NAV2: variants seen among roughly 807,000 people sequenced by gnomAD.
NAV2 encodes helicase, APC down-regulated 1.
A neutral mutation model predicts 223.2 loss-of-function variants in NAV2; 54 were observed. The observed-to-expected ratio is 0.24, with a 90% CI of 0.19 to 0.30. The LOEUF is 0.30. Among genes scored for constraint, NAV2 ranks in the 10% least tolerant of loss-of-function variants. The pLI is 1.00. For synonymous variants in NAV2, 1,279 were observed against 1,239.3 expected (o/e 1.03, Z -0.67); for missense variants, 2,806 against 3,147.5 (o/e 0.89, Z 2.60).
At chr11:19,530,365 GTAA>G (rs2043992324) in intron 1 of NAV2, among the ~76,000 whole-genome samples, 2 of 152,210 alleles carry the variant, frequency 1.3e-5, no homozygotes, top group African/African-American at 4.8e-5. Flanking sequence ...AGGTTAGATG[GTAA>G]TAATGCAAGG....
Position 20,118,289 on chromosome 11 carries a change from C to T in NAV2, c.*31C>T. ...GCCCGGAGCCCAGCGCCCTCCTCTT[C>T]TCCTCACCGCATTCCACCTGCATCC... On this transcript the variant is annotated 3_prime_UTR_variant, in exon 38 of 38. Coordinates refer to ENST00000349880, the MANE Select transcript of NAV2 (RefSeq NM_145117.5). 1 of 1,610,756 alleles carries T rather than the reference C, an allele frequency of 6.2e-7. No individual in the cohort carries two copies. Among genetic ancestry groups the T allele is most frequent in the East Asian group, 2.2e-5 (1 of 44,822 alleles).
At chr11:19,820,187 G>A in intron 1 of NAV2, among the ~76,000 whole-genome samples, 1 of 152,228 alleles carries the variant, frequency 6.6e-6, no homozygotes, top group East Asian at 1.9e-4. Flanking sequence ...ACCCACTTAG[G>A]TGTGGCTGCC....
chr11:20,044,303 G>A, intron 13 of NAV2, 31 bp downstream of exon 13: 1 of 1,569,094 alleles, frequency 6.4e-7, no homozygotes, highest in Non-Finnish European at 8.6e-7. Flanking sequence ...TGGCCCTACA[G>A]TTGACATTTT....
rs1487725129 is a variant in NAV2 at position 19,652,490 on chromosome 11, T to C, written c.76-179994T>C. 2.6e-5 allele frequency among the ~76,000 whole-genome samples: 4 copies of C among 152,178 alleles called. No individual in the cohort carries two copies. The East Asian group carries it at 5.8e-4, about 22-fold the overall frequency. ...TTCCCCCAGACCCTAGCATCCTTGA[T>C]TGTCTAAGCTTAGGTTTTTGGACAA... On this transcript the variant is annotated intron_variant, in intron 1 of 37. Transcript: ENST00000360655.
upstream of NAV2, chr11:19,711,434 G>C (rs536290619): frequency 5.3e-5 from 8 of 152,312 alleles, no homozygotes; most frequent in South Asian, 1.7e-3. Flanking sequence ...AAGGCAGTAA[G>C]AAAGCATCTC....
chr11:19,551,305 G>A (rs80253248), intron 1 of NAV2, among the ~76,000 whole-genome samples: 2,379 of 152,384 alleles, frequency 0.016, 58 homozygotes, highest in African/African-American at 0.055. Context: ...CATAAGTACA[G>A]AGGGGTCAGG....
At chr11:19,822,798 G>A (rs1442037356) in intron 1 of NAV2, among the ~76,000 whole-genome samples, 4 of 152,218 alleles carry the variant, frequency 2.6e-5, no homozygotes. Flanking sequence ...CATATGTCAA[G>A]AGCAAAGGCT....
rs908993470 is a variant in NAV2 at position 19,925,649 on chromosome 11, G to A, written c.932-7527G>A. 2.6e-5 allele frequency among the ~76,000 whole-genome samples: 4 copies of A among 151,768 alleles called. No homozygotes were observed. The East Asian group carries it at 7.7e-4, about 29-fold the overall frequency. ...CTATAATCCCACTATTCAGGAGGCT[G>A]AGGCAAGAGAATTGCTTGAACCCGG... On this transcript the variant is annotated intron_variant, in intron 6 of 37. Coordinates refer to ENST00000349880, the MANE Select transcript of NAV2 (RefSeq NM_145117.5).
chr11:20,081,503 C>T (rs573141393), intron 25 of NAV2, among the ~76,000 whole-genome samples: 2 of 152,320 alleles, frequency 1.3e-5, no homozygotes, highest in South Asian at 4.1e-4. Context: ...AATCCCAAAG[C>T]TTAGCTCTGT....
At chr11:20,009,477 A>T (rs2053389466) in intron 11 of NAV2, among the ~76,000 whole-genome samples, 1 of 152,228 alleles carries the variant, frequency 6.6e-6, no homozygotes, top group Non-Finnish European at 1.5e-5. Flanking sequence ...CATGGGGTGG[A>T]CATCATAATT....
chr11:20,090,529 C>G (rs889650153), intron 26 of NAV2, among the ~76,000 whole-genome samples: 12 of 151,420 alleles, frequency 7.9e-5, no homozygotes, highest in Admixed American at 7.9e-4. Flanking sequence ...GAGTGAAAGA[C>G]AAAAGTAGGA....
intron 1 of NAV2, among the ~76,000 whole-genome samples, chr11:19,601,688 C>T (rs2046354287): frequency 6.6e-6 from 1 of 152,062 alleles, no homozygotes; most frequent in African/African-American, 2.4e-5. Flanking sequence ...GGTGGGGACA[C>T]AGAGCTGAGG....
intron 1 of NAV2, among the ~76,000 whole-genome samples, chr11:19,776,437 C>G (rs1271262527): frequency 6.6e-6 from 1 of 152,194 alleles, no homozygotes; most frequent in South Asian, 2.1e-4. Context: ...GCTGCCTGAC[C>G]TCTCCTCCTC....
At chr11:19,881,614 AT>A in intron 5 of NAV2, among the ~76,000 whole-genome samples, 1 of 152,238 alleles carries the variant, frequency 6.6e-6, no homozygotes. Context: ...TGTTTATTTA[AT>A]TGGTATTAAG....
At chr11:19,934,460 A>G (rs553109968) in intron 7 of NAV2, among the ~76,000 whole-genome samples, 183 bp downstream of exon 7, 6 of 152,322 alleles carry the variant, frequency 3.9e-5, no homozygotes, top group African/African-American at 1.4e-4. Context: ...AGCAGTTCAT[A>G]CAGCACAGGT....
At chr11:19,958,123 C>T (rs11025342) in intron 10 of NAV2, among the ~76,000 whole-genome samples, 10,427 of 152,122 alleles carry the variant, frequency 0.069, 512 homozygotes, top group South Asian at 0.15. Context: ...ATGGGCTGTT[C>T]CCTGCCTGCC....
chr11:19,984,320 G>T, intron 11 of NAV2, 73 bp downstream of exon 11: 1 of 1,602,492 alleles, frequency 6.2e-7, no homozygotes. Context: ...TGAGGGTTAT[G>T]ATATTGGGAG....
chr11:19,346,745 C>T (rs1853038221), upstream of NAV2, among the ~76,000 whole-genome samples: 2 of 152,294 alleles, frequency 1.3e-5, no homozygotes, highest in South Asian at 4.1e-4. Context: ...CACGGGCTCC[C>T]TTTGGAAGCA....
chr11:19,380,833 G>T (rs1056110355), intron 1 of NAV2, among the ~76,000 whole-genome samples: 1 of 152,182 alleles, frequency 6.6e-6, no homozygotes, highest in South Asian at 2.1e-4. Flanking sequence ...GTCCTGCTTT[G>T]CCTGGGATTT....
Sources: allele counts gnomAD v4.1 joint callset (sites outside exome capture counted in the v4.1 genomes callset), GRCh38; gene constraint gnomAD v4.1.1; transcripts MANE v1.5; gene names NCBI Gene and HGNC (gene_info 2026-07-23, HGNC 2026-07-21).